The following PDE4B variants were observed in gnomAD, a reference collection of about 807,000 sequenced individuals.
PDE4B encodes the protein 3',5'-cyclic-AMP phosphodiesterase 4B.
In PDE4B, 20 loss-of-function variants were observed where a neutral mutation model predicts 82.2. The ratio of observed to expected loss-of-function variants is 0.24; its 90% CI spans 0.17 to 0.35. The LOEUF is 0.35. Ranked by LOEUF, PDE4B falls within the 10% of genes least tolerant of loss-of-function variation. PDE4B has a pLI of 1.00. For missense variants in PDE4B, 655 were observed against 907.2 expected, an observed-to-expected ratio of 0.72 and a Z score of 3.57; for synonymous variants, 320 against 318.9, an observed-to-expected ratio of 1.00 and a Z score of -0.04.
At chr1:66,316,955 A>C (rs1158204447) in intron 7 of PDE4B, among the ~76,000 whole-genome samples, 2 of 152,174 alleles carry the variant, frequency 1.3e-5, no homozygotes, top group Non-Finnish European at 2.9e-5. Flanking sequence ...ATTAGGAGAA[A>C]TTGGCCAAAG....
intron 7 of PDE4B, among the ~76,000 whole-genome samples, chr1:66,275,693 A>G (rs890137294): frequency 2.0e-5 from 3 of 151,752 alleles, no homozygotes; most frequent in Non-Finnish European, 4.4e-5. Flanking sequence ...CTTCTGATCA[A>G]CCCCGAGCCA....
At chr1:65,905,334 T>C (rs2100434639) in intron 1 of PDE4B, among the ~76,000 whole-genome samples, 1 of 152,118 alleles carries the variant, frequency 6.6e-6, no homozygotes, top group Middle Eastern at 3.4e-3. Context: ...TGTTATAGTG[T>C]AGGAAAAGTT....
intron 1 of PDE4B, among the ~76,000 whole-genome samples, chr1:65,899,470 G>A (rs759340174): frequency 3.3e-5 from 5 of 151,588 alleles, no homozygotes; most frequent in Middle Eastern, 3.2e-3. Context: ...CCCACTACTG[G>A]GTATCTATCC....
intron 3 of PDE4B, among the ~76,000 whole-genome samples, chr1:66,111,565 G>C (rs1032958191): frequency 5.9e-5 from 9 of 152,054 alleles, no homozygotes; most frequent in African/African-American, 2.2e-4. Context: ...GTATCTTCAA[G>C]CTTCATCTAT....
chr1:66,306,141 T>A (rs1218848896), intron 7 of PDE4B, among the ~76,000 whole-genome samples: 1 of 152,098 alleles, frequency 6.6e-6, no homozygotes, highest in Non-Finnish European at 1.5e-5. Flanking sequence ...AATAAGTCCG[T>A]CTCTGTGGTT....
chr1:65,899,632 A>C (rs1646949206), intron 1 of PDE4B, among the ~76,000 whole-genome samples: 1 of 147,884 alleles, frequency 6.8e-6, no homozygotes, highest in Non-Finnish European at 1.5e-5. Context: ...TATATATGTA[A>C]TTTATATATA....
At chr1:65,869,667 A>G (rs61215055) in intron 1 of PDE4B, among the ~76,000 whole-genome samples, 3,709 of 152,252 alleles carry the variant, frequency 0.024, 165 homozygotes, top group African/African-American at 0.084. Flanking sequence ...GTTTGCGTAC[A>G]TTTGTTAGTA....
intron 3 of PDE4B, among the ~76,000 whole-genome samples, chr1:66,233,273 A>G (rs1054725225): frequency 1.3e-5 from 2 of 152,206 alleles, no homozygotes; most frequent in East Asian, 3.8e-4. Flanking sequence ...CAGCATAATT[A>G]GTTTAGGATT....
At chr1:65,831,572 C>T (rs968544351) in intron 1 of PDE4B, among the ~76,000 whole-genome samples, 1 of 152,264 alleles carries the variant, frequency 6.6e-6, no homozygotes, top group African/African-American at 2.4e-5. Flanking sequence ...GTTTATTTCA[C>T]TGGCAAATTC....
chr1:65,969,927 A>G (rs1384324770), intron 3 of PDE4B, among the ~76,000 whole-genome samples: 1 of 152,126 alleles, frequency 6.6e-6, no homozygotes, highest in African/African-American at 2.4e-5. Flanking sequence ...CAGAACAAAT[A>G]GGAATTTATC....
chr1:66,103,243 C>T (rs376041576), intron 3 of PDE4B, among the ~76,000 whole-genome samples: 27 of 151,428 alleles, frequency 1.8e-4, no homozygotes, highest in African/African-American at 3.6e-4. Context: ...TCCTGCCTCA[C>T]GCAAATTTAT....
At chr1:66,148,433 C>G (rs1453430605) in intron 3 of PDE4B, among the ~76,000 whole-genome samples, 1 of 152,174 alleles carries the variant, frequency 6.6e-6, no homozygotes, top group African/African-American at 2.4e-5. Context: ...GATTCTATTT[C>G]ACACAATAAT....
intron 7 of PDE4B, among the ~76,000 whole-genome samples, chr1:66,287,929 G>A (rs1027841663): frequency 2.6e-4 from 39 of 152,078 alleles, no homozygotes; most frequent in Non-Finnish European, 3.1e-4. Context: ...AGCTATGATT[G>A]TGCCACTGCA....
chr1:66,063,638 A>G (rs969512557), intron 3 of PDE4B, among the ~76,000 whole-genome samples: 1 of 152,018 alleles, frequency 6.6e-6, no homozygotes, highest in Non-Finnish European at 1.5e-5. Context: ...GGAATATTCA[A>G]TATCCCAACA....
intron 3 of PDE4B, among the ~76,000 whole-genome samples, chr1:66,172,896 C>G (rs1646864416): frequency 6.6e-6 from 1 of 152,134 alleles, no homozygotes; most frequent in African/African-American, 2.4e-5. Context: ...ATGGTTGATT[C>G]ACTCATCTTT....
chr1:66,178,661 T>C (rs1389925792), intron 3 of PDE4B, among the ~76,000 whole-genome samples: 2 of 152,216 alleles, frequency 1.3e-5, no homozygotes, highest in Non-Finnish European at 2.9e-5. Flanking sequence ...CAAGTGCAAG[T>C]CAACAAATTT....
intron 1 of PDE4B, among the ~76,000 whole-genome samples, chr1:65,894,824 A>G (rs569136203): frequency 6.6e-6 from 1 of 152,308 alleles, no homozygotes; most frequent in East Asian, 1.9e-4. Flanking sequence ...AGATACTACT[A>G]TACTCCCACT....
chr1:65,971,331 A>C (rs1650128193), intron 3 of PDE4B, among the ~76,000 whole-genome samples: 1 of 152,128 alleles, frequency 6.6e-6, no homozygotes, highest in African/African-American at 2.4e-5. Context: ...TCTATATAAA[A>C]CATCTCCATT....
chr1:66,320,592 A>G (rs560305344), intron 7 of PDE4B, among the ~76,000 whole-genome samples: 3 of 152,294 alleles, frequency 2.0e-5, no homozygotes, highest in Admixed American at 2.0e-4. Context: ...CTTTTTGGTA[A>G]TGCATAGCCC....
Sources: gnomAD v4.1 joint callset for allele counts (sites outside exome capture counted in the v4.1 genomes callset) on GRCh38, gnomAD v4.1.1 for gene constraint, MANE v1.5 for transcripts, NCBI Gene and HGNC (gene_info 2026-07-23, HGNC 2026-07-21) for gene names.